RIT2: variants seen among roughly 807,000 people sequenced by gnomAD.
RIT2 encodes the protein GTP-binding protein Rit2.
Under a neutral mutation model 23.7 loss-of-function variants are expected in RIT2, and 24 were observed. That is an observed-to-expected ratio of 1.01 (90% CI 0.73 to 1.43). RIT2 has a LOEUF of 1.43. Among genes scored for constraint, RIT2 ranks in the 40% most tolerant of loss-of-function variants. The pLI, the probability that RIT2 is intolerant of heterozygous loss-of-function variation, is 0.00. For missense variants in RIT2, 236 were observed against 266.9 expected, an observed-to-expected ratio of 0.88 and a Z score of 0.81; for synonymous variants, 107 against 91.1, an observed-to-expected ratio of 1.17 and a Z score of -0.99.
At chr18:42,910,129 A>G (rs1473724583) in intron 4 of RIT2, among the ~76,000 whole-genome samples, 1 of 152,156 alleles carries the variant, frequency 6.6e-6, no homozygotes, top group South Asian at 2.1e-4. Context: ...ATAGAATTCT[A>G]AAACTATTTT....
chr18:42,997,899 A>C (rs1911022564), intron 2 of RIT2, among the ~76,000 whole-genome samples: 1 of 152,254 alleles, frequency 6.6e-6, no homozygotes, highest in Non-Finnish European at 1.5e-5. Context: ...TCATTGACAT[A>C]GAGTTATTTT....
intron 4 of RIT2, among the ~76,000 whole-genome samples, chr18:42,904,636 A>G (rs549649523): frequency 6.6e-6 from 1 of 152,230 alleles, no homozygotes; most frequent in South Asian, 2.1e-4. Flanking sequence ...AACAAAATAC[A>G]ACTCACGAAA....
intron 3 of RIT2, among the ~76,000 whole-genome samples, chr18:42,959,148 T>C (rs1399210111): frequency 6.6e-6 from 1 of 152,214 alleles, no homozygotes; most frequent in Admixed American, 6.5e-5. Context: ...CACTTTCTTG[T>C]GTCCAGCTTC....
intron 4 of RIT2, among the ~76,000 whole-genome samples, chr18:42,903,492 T>A (rs1267312858): frequency 1.3e-5 from 2 of 152,088 alleles, no homozygotes; most frequent in Non-Finnish European, 2.9e-5. Context: ...ATAAATGCAT[T>A]TTTTAGTTTG....
intron 4 of RIT2, among the ~76,000 whole-genome samples, chr18:42,917,427 T>G (rs1908938917): frequency 6.6e-6 from 1 of 152,054 alleles, no homozygotes; most frequent in African/African-American, 2.4e-5. Context: ...GCTCTAAACC[T>G]CACTGTAATC....
intron 4 of RIT2, among the ~76,000 whole-genome samples, chr18:42,809,090 T>C (rs1568001634): frequency 6.6e-6 from 1 of 152,152 alleles, no homozygotes; most frequent in Non-Finnish European, 1.5e-5. Flanking sequence ...GTAAAGGTCA[T>C]AGATACTTAT....
At chr18:43,092,528 G>A (rs1913447849) in intron 1 of RIT2, among the ~76,000 whole-genome samples, 1 of 151,954 alleles carries the variant, frequency 6.6e-6, no homozygotes, top group South Asian at 2.1e-4. Context: ...TTGAGTTTGT[G>A]AAACTTAAAT....
At chr18:42,773,788 A>G (rs191113620) in intron 4 of RIT2, among the ~76,000 whole-genome samples, 155 of 152,334 alleles carry the variant, frequency 1.0e-3, no homozygotes, top group African/African-American at 3.3e-3. Flanking sequence ...TCAGGAGATA[A>G]TAATTGATCA....
intron 3 of RIT2, among the ~76,000 whole-genome samples, chr18:42,950,403 G>A (rs1004046136): frequency 6.6e-6 from 1 of 151,998 alleles, no homozygotes; most frequent in African/African-American, 2.4e-5. Flanking sequence ...CAAGATGGAT[G>A]AAAGATTTAA....
chr18:42,794,702 G>C (rs1914116599), intron 4 of RIT2, among the ~76,000 whole-genome samples: 1 of 152,194 alleles, frequency 6.6e-6, no homozygotes, highest in African/African-American at 2.4e-5. Context: ...GCTAATAAAA[G>C]TGATGGAATT....
intron 4 of RIT2, among the ~76,000 whole-genome samples, chr18:42,888,026 G>C (rs774851160): frequency 2.0e-5 from 3 of 152,096 alleles, no homozygotes; most frequent in Non-Finnish European, 2.9e-5. Flanking sequence ...TGAATAATCA[G>C]TGCACAGAGG....
intron 2 of RIT2, among the ~76,000 whole-genome samples, chr18:43,009,291 T>C (rs1911297667): frequency 6.6e-6 from 1 of 151,654 alleles, no homozygotes; most frequent in Non-Finnish European, 1.5e-5. Flanking sequence ...AAGAAAATAA[T>C]ACAAGAAATG....
chr18:43,091,294 A>G (rs1913417434), intron 1 of RIT2, among the ~76,000 whole-genome samples: 1 of 152,090 alleles, frequency 6.6e-6, no homozygotes, highest in Non-Finnish European at 1.5e-5. Context: ...TTATACATTC[A>G]CTTGTAGAGA....
chr18:42,964,244 T>G (rs1355082003), intron 3 of RIT2, among the ~76,000 whole-genome samples: 1 of 151,586 alleles, frequency 6.6e-6, no homozygotes, highest in Non-Finnish European at 1.5e-5. Context: ...AATCAATCAA[T>G]CAATCTTCAG....
rs60819423 is a variant in RIT2 at position 42,927,369 on chromosome 18, G to GGTGTGT, written c.235-3612_235-3607dup. On this transcript the variant is annotated intron_variant, in intron 3 of 4. Transcript: ENST00000326695. ...CGTATATATGTTTCCATGTGGATGT[G>GGTGTGT]GTGTGTGTGTGTGTGTGTGTGTGTG... Among the ~76,000 whole-genome samples the GGTGTGT allele has an allele frequency of 2.5e-3, 368 of 147,938 alleles. 1 individual carries two copies. The highest frequency in any genetic ancestry group is 8.6e-3 in the African/African-American group (344 of 40,020).
intron 1 of RIT2, among the ~76,000 whole-genome samples, chr18:43,038,098 G>A (rs1041370954): frequency 4.0e-5 from 6 of 151,106 alleles, no homozygotes; most frequent in Admixed American, 6.6e-5. Context: ...CTAGCTACTC[G>A]GGAGGCTGAG....
chr18:43,085,743 C>A (rs1234085417), intron 1 of RIT2, among the ~76,000 whole-genome samples: 1 of 151,544 alleles, frequency 6.6e-6, no homozygotes, highest in East Asian at 1.9e-4. Flanking sequence ...TGGCCGTGTC[C>A]CCACTCAAAT....
intron 1 of RIT2, among the ~76,000 whole-genome samples, chr18:43,105,903 G>A (rs779908889): frequency 1.3e-5 from 2 of 152,142 alleles, no homozygotes; most frequent in Non-Finnish European, 2.9e-5. Flanking sequence ...TTCTATGGTA[G>A]GGCTTCATTC....
At chr18:42,903,682 A>G (rs1008619478) in intron 4 of RIT2, among the ~76,000 whole-genome samples, 1 of 152,134 alleles carries the variant, frequency 6.6e-6, no homozygotes, top group African/African-American at 2.4e-5. Context: ...CAAGTCCAGA[A>G]ACTTTTACAA....
Sources: gnomAD v4.1 joint callset for allele counts (sites outside exome capture counted in the v4.1 genomes callset) on GRCh38, gnomAD v4.1.1 for gene constraint, MANE v1.5 for transcripts, NCBI Gene and HGNC (gene_info 2026-07-23, HGNC 2026-07-21) for gene names.